C10orf67: variants seen among roughly 807,000 people sequenced by gnomAD.
C10orf67 encodes the protein uncharacterized protein C10orf67, mitochondrial.
C10orf67 carries 60 observed loss-of-function variants against 35.6 expected under a neutral mutation model. The ratio of observed to expected loss-of-function variants is 1.68; its 90% CI spans 1.37 to 2.09. C10orf67 has a LOEUF of 2.09. Ranked by LOEUF, C10orf67 falls within the 30% of genes most tolerant of loss-of-function variation. C10orf67 has a pLI of 0.00. For missense variants in C10orf67, 474 were observed against 330.2 expected (o/e 1.44, Z -3.38); for synonymous variants, 167 against 115.8 (o/e 1.44, Z -2.84).
chr10:23,323,327 C>A (rs1845030657), intron 2 of C10orf67, among the ~76,000 whole-genome samples: 1 of 152,108 alleles, frequency 6.6e-6, no homozygotes, highest in African/African-American at 2.4e-5. Context: ...CTGCCCCCAT[C>A]TATTTAAAAT....
At chr10:23,331,520 GGGAA>G (rs1845484547) in intron 2 of C10orf67, among the ~76,000 whole-genome samples, 1 of 89,690 alleles carries the variant, frequency 1.1e-5, no homozygotes, top group Non-Finnish European at 2.3e-5. Context: ...GGGAAGGGAA[GGGAA>G]AAGGGAAGGG....
At chr10:23,223,448 A>G (rs1411081774) in intron 15 of C10orf67, 150 bp downstream of exon 15, 2 of 638,202 alleles carry the variant, frequency 3.1e-6, no homozygotes, top group African/African-American at 1.8e-5. Flanking sequence ...TATTCAGTTT[A>G]TCTGTGCAAT....
intron 8 of C10orf67, among the ~76,000 whole-genome samples, chr10:23,277,645 A>C (rs1249267924): frequency 6.6e-6 from 1 of 152,178 alleles, no homozygotes; most frequent in Non-Finnish European, 1.5e-5. Flanking sequence ...CTGTGTTGAG[A>C]AAGATTTTCT....
At chr10:23,274,235 C>T (rs866885173) in intron 8 of C10orf67, among the ~76,000 whole-genome samples, 5 of 152,190 alleles carry the variant, frequency 3.3e-5, no homozygotes, top group Middle Eastern at 3.4e-3. Context: ...GGTCCATGTC[C>T]CGCTGGGCAC....
intron 15 of C10orf67, among the ~76,000 whole-genome samples, chr10:23,222,564 T>C (rs1841613384): frequency 6.6e-6 from 1 of 152,088 alleles, no homozygotes; most frequent in African/African-American, 2.4e-5. Context: ...CGTTCACTAA[T>C]TGGGTGATGA....
chr10:23,299,943 A>T (rs1588667902), intron 5 of C10orf67, among the ~76,000 whole-genome samples: 1 of 150,722 alleles, frequency 6.6e-6, no homozygotes, highest in East Asian at 2.0e-4. Flanking sequence ...GCGCCACTGC[A>T]CTCCAGCCTG....
intron 13 of C10orf67, among the ~76,000 whole-genome samples, chr10:23,234,591 T>C (rs746614276): frequency 2.6e-5 from 4 of 152,042 alleles, no homozygotes; most frequent in African/African-American, 4.8e-5. Flanking sequence ...ACTTAACACC[T>C]GGCTGAAGAA....
chr10:23,290,054 C>A (rs1843673450), intron 6 of C10orf67, 96 bp from the exon 7 acceptor site: 6 of 677,746 alleles, frequency 8.9e-6, no homozygotes, highest in South Asian at 6.8e-5. Context: ...GGGGCACTAG[C>A]AGGCATAGTG....
chr10:23,276,329 G>C (rs567079346), intron 8 of C10orf67, among the ~76,000 whole-genome samples: 1 of 152,138 alleles, frequency 6.6e-6, no homozygotes, highest in African/African-American at 2.4e-5. Context: ...GGGATAAAGG[G>C]AGCCTCTTGA....
At chr10:23,249,067 T>G (rs1588614683) in intron 12 of C10orf67, among the ~76,000 whole-genome samples, 1 of 135,798 alleles carries the variant, frequency 7.4e-6, no homozygotes, top group Non-Finnish European at 1.5e-5. Context: ...AAGATGGAGG[T>G]TGCAGTGAGC....
At chr10:23,225,736 C>A (rs1253805933) in intron 13 of C10orf67, among the ~76,000 whole-genome samples, 3 of 152,122 alleles carry the variant, frequency 2.0e-5, no homozygotes. Context: ...TCTGATAAAA[C>A]AGACTTTAAA....
At chr10:23,322,323 A>G (rs752462583) in intron 3 of C10orf67, 71 bp downstream of exon 3, 19 of 1,481,546 alleles carry the variant, frequency 1.3e-5, no homozygotes, top group Non-Finnish European at 1.7e-5. Context: ...ACTAAATTCT[A>G]AACTGCACTG....
intron 4 of C10orf67, among the ~76,000 whole-genome samples, chr10:23,304,689 G>A (rs1844207485): frequency 6.6e-6 from 1 of 152,088 alleles, no homozygotes; most frequent in Non-Finnish European, 1.5e-5. Context: ...TGTCAGCCAT[G>A]GTCCATGGCC....
chr10:23,285,569 T>A (rs12413853), intron 7 of C10orf67, among the ~76,000 whole-genome samples: 59,996 of 151,694 alleles, frequency 0.4, 12,902 homozygotes, highest in Non-Finnish European at 0.49. Context: ...ATATAAAAAA[T>A]TATTAGTGAG....
chr10:23,224,690 G>A (rs777917582), intron 13 of C10orf67, among the ~76,000 whole-genome samples: 1 of 151,314 alleles, frequency 6.6e-6, no homozygotes, highest in Non-Finnish European at 1.5e-5. Context: ...TAAAGGACGT[G>A]ATGGAGCTGA....
chr10:23,270,986 TAA>T (rs1298286678), intron 8 of C10orf67, among the ~76,000 whole-genome samples: 2 of 152,178 alleles, frequency 1.3e-5, no homozygotes, highest in Non-Finnish European at 2.9e-5. Flanking sequence ...GCAAGTTGGA[TAA>T]AGAGTCAAGA....
rs1224138726 is a variant in C10orf67 at position 23,250,674 on chromosome 10, AC to A, written c.1217del (p.Gly406ValfsTer6). The A allele has an allele frequency of 1.0e-5, 4 of 398,598 alleles. No individual in the cohort carries two copies. Among genetic ancestry groups the A allele is most frequent in the Non-Finnish European group, 1.8e-5 (4 of 225,866 alleles). 24.7% of individuals were successfully genotyped at this position (398,598 alleles called of 1,614,324 possible). On this transcript the variant is annotated frameshift_variant, in exon 11 of 16. Coordinates refer to ENST00000636213, the MANE Select transcript of C10orf67 (RefSeq NM_001371909.1). LOFTEE classifies it high-confidence loss of function. Reference protein sequence around the residue: ...EDQAVVEDKHGLESQIEALKA... With the variant: ...EDQAVVEDKHXLESQIEALKA... ...TTAATGCTTCTATTTGAGACTCCAA[AC>A]CATGTTTGTCTTCAACCTTTCAATA...
intron 4 of C10orf67, among the ~76,000 whole-genome samples, chr10:23,319,805 A>C (rs1310279067): frequency 6.6e-6 from 1 of 152,204 alleles, no homozygotes; most frequent in Non-Finnish European, 1.5e-5. Context: ...CTCATTGGTT[A>C]GGGACCTGAC....
chr10:23,209,599 A>G (rs1841252478), intron 15 of C10orf67, among the ~76,000 whole-genome samples: 1 of 152,194 alleles, frequency 6.6e-6, no homozygotes, highest in African/African-American at 2.4e-5. Context: ...GGAGAGGAAG[A>G]AAATGGTGAA....
Sources: allele counts gnomAD v4.1 joint callset (sites outside exome capture counted in the v4.1 genomes callset), GRCh38; gene constraint gnomAD v4.1.1; transcripts MANE v1.5; gene names NCBI Gene and HGNC (gene_info 2026-07-23, HGNC 2026-07-21).